The following JAK1 variants were observed in gnomAD, a reference collection of about 807,000 sequenced individuals.
JAK1 encodes Janus kinase 1.
Under a neutral mutation model 136.6 loss-of-function variants are expected in JAK1, and 16 were observed. That is an observed-to-expected ratio of 0.12 (90% confidence interval 0.08 to 0.18). The LOEUF (loss-of-function observed/expected upper bound fraction) is 0.18, where lower values mean the gene tolerates loss of function less well. Ranked by LOEUF, JAK1 falls within the 10% of genes least tolerant of loss-of-function variation. JAK1 has a pLI of 1.00. For missense variants in JAK1, 859 were observed against 1,450.1 expected (o/e 0.59, Z 6.62); for synonymous variants, 492 against 519.5 (o/e 0.95, Z 0.72).
At chr1:64,886,471 A>AAAAAC (rs1644853802) in intron 1 of JAK1, 130 bp from the exon 2 acceptor site, 1 of 538,782 alleles carries the variant, frequency 1.9e-6, no homozygotes, top group South Asian at 3.1e-5. Context: ...GAAGAAGGAA[A>AAAAAC]AAAACAAAAC....
At position 64,883,466 on chromosome 1, in the gene JAK1, T is replaced by C; in HGVS notation, c.16A>G (p.Ile6Val). 6.2e-7 allele frequency: 1 copy of C among 1,613,744 alleles called. No homozygotes were observed. The highest frequency in any genetic ancestry group is 8.5e-7 in the Non-Finnish European group (1 of 1,179,706). The stretch of plus-strand genomic sequence containing the variant: ...GCCATGGCATTGCAGTCCTCTTTTA[T>C]ATTTAGATACTGTTGTGGAAGGAAA... The part of the protein sequence containing the change: MQYLN[I>V]KEDCNAMAFC... The change falls in exon 3 of 25, where the codon ATA becomes GTA. Residue 6 changes from isoleucine (I) to valine (V), a missense_variant. This residue lies in a region of JAK1 where 353 missense variants were observed against 494.0 expected (regional missense o/e 0.71). Transcript: ENST00000342505.
chr1:64,875,689 T>C (rs1570685536), intron 4 of JAK1, among the ~76,000 whole-genome samples: 1 of 152,324 alleles, frequency 6.6e-6, no homozygotes, highest in East Asian at 1.9e-4. Flanking sequence ...CTTTGGTGTC[T>C]CTCTCACACA....
At chr1:64,883,550 G>A (rs1373249398) in intron 2 of JAK1, 75 bp from the exon 3 acceptor site, 10 of 1,320,700 alleles carry the variant, frequency 7.6e-6, no homozygotes, top group Non-Finnish European at 1.1e-5. Flanking sequence ...GGAGTGTTCT[G>A]AAGGTAAAAA....
intron 2 of JAK1, among the ~76,000 whole-genome samples, chr1:65,007,208 A>G (rs1325527577): frequency 2.0e-5 from 3 of 152,188 alleles, no homozygotes; most frequent in African/African-American, 4.8e-5. Flanking sequence ...ACAGAACCCA[A>G]GGCAGGCCTG....
intron 9 of JAK1, among the ~76,000 whole-genome samples, chr1:64,858,388 C>T (rs1457852027): frequency 6.6e-6 from 1 of 151,498 alleles, no homozygotes; most frequent in Non-Finnish European, 1.5e-5. Context: ...AGAGGGCCGC[C>T]ATGGTTCGTG....
At chr1:65,014,976 C>T (rs1420637663) in intron 2 of JAK1, among the ~76,000 whole-genome samples, 9 of 152,056 alleles carry the variant, frequency 5.9e-5, no homozygotes, top group Admixed American at 1.3e-4. Context: ...TGAGCCACCG[C>T]GCCCGGCCCA....
chr1:64,931,755 A>G (rs2100451204), intron 1 of JAK1, among the ~76,000 whole-genome samples: 1 of 152,148 alleles, frequency 6.6e-6, no homozygotes, highest in African/African-American at 2.4e-5. Context: ...ATCGGGAGGC[A>G]CTCTGGTAAG....
chr1:64,913,625 G>A (rs1363543871), intron 1 of JAK1, among the ~76,000 whole-genome samples: 1 of 112,290 alleles, frequency 8.9e-6, no homozygotes, highest in African/African-American at 3.6e-5. Flanking sequence ...ATTTGGGAGG[G>A]AGGGAGGGAG....
chr1:64,843,292 T>A (rs547737494), intron 17 of JAK1, among the ~76,000 whole-genome samples: 45 of 152,248 alleles, frequency 3.0e-4, no homozygotes, highest in African/African-American at 1.1e-3. Context: ...GCCTGCCCCC[T>A]CTAAACAACA....
rs1646580771 is a variant in JAK1, at chr1:64,984,647, T to C, written c.-78+59833A>G. 1 of 530,894 alleles carries C rather than the reference T, an allele frequency of 1.9e-6. No individual in the cohort carries two copies. The highest frequency in any genetic ancestry group is 3.6e-6 in the Non-Finnish European group (1 of 281,276). The allele number at this position is 530,894 out of a possible 1,614,324, so 32.9% of individuals were successfully genotyped here. A position where few individuals can be genotyped will look rare whatever the true frequency, so the allele number is the denominator to read the frequency against. ...GTCTCCTTAGCAGGCTGGATACTGT[T>C]CATCTCCATGACACAGTCCTTCCAG... On this transcript the variant is annotated intron_variant, in intron 2 of 25. Transcript: ENST00000671954. This position sits in a 1 kb window ranked among gnomAD's most constrained non-coding sequence, Gnocchi z 4.1.
At chr1:65,058,382 C>A in intron 1 of JAK1, 1 of 533,770 alleles carries the variant, frequency 1.9e-6, no homozygotes, top group Non-Finnish European at 3.8e-6. Flanking sequence ...TCCTCTTTCA[C>A]CTTCTTTCTT....
chr1:65,052,986 AC>A (rs1430454589), intron 1 of JAK1, among the ~76,000 whole-genome samples: 1 of 141,730 alleles, frequency 7.1e-6, no homozygotes, highest in Non-Finnish European at 1.5e-5. Flanking sequence ...AGCCAAGATC[AC>A]GCCATTGCAC....
chr1:65,061,442 T>A (rs1647788103), intron 1 of JAK1, among the ~76,000 whole-genome samples: 1 of 152,148 alleles, frequency 6.6e-6, no homozygotes, highest in Non-Finnish European at 1.5e-5. Flanking sequence ...ACATGCTACA[T>A]CCCTCATATT....
Position 64,984,780 on chromosome 1 carries a change from A to C in JAK1, c.-78+59700T>G. 1 of 1,017,604 alleles carries C rather than the reference A, an allele frequency of 9.8e-7. No individual in the cohort carries two copies. Among genetic ancestry groups the C allele is most frequent in the East Asian group, 2.6e-5 (1 of 39,098 alleles). 63.0% of individuals were successfully genotyped at this position (1,017,604 alleles called of 1,614,324 possible). A position where few individuals can be genotyped will look rare whatever the true frequency, so the allele number is the denominator to read the frequency against. Reference sequence around the variant, plus strand: ...GAAGGTAAAGATCAAGAAGGTAATGAGGAAGTCGGTGAAGATAATAAAAAC... The same window carrying C: ...GAAGGTAAAGATCAAGAAGGTAATGCGGAAGTCGGTGAAGATAATAAAAAC... On this transcript the variant is annotated intron_variant, in intron 2 of 25. Coordinates refer to the JAK1 transcript ENST00000671954. This position sits in a 1 kb window ranked among gnomAD's most constrained non-coding sequence, Gnocchi z 4.1.
intron 2 of JAK1, among the ~76,000 whole-genome samples, chr1:64,885,529 G>A (rs556877593): frequency 1.3e-3 from 193 of 152,224 alleles, no homozygotes; most frequent in Non-Finnish European, 2.0e-3. Context: ...CAAGGCGGGC[G>A]GATCACGAGG....
At chr1:65,007,745 G>GTTTTT (rs371536456) in intron 2 of JAK1, among the ~76,000 whole-genome samples, 8 of 141,916 alleles carry the variant, frequency 5.6e-5, no homozygotes, top group African/African-American at 2.1e-4. Flanking sequence ...TTATAGGTAT[G>GTTTTT]TTTTTTTTTT....
intron 2 of JAK1, among the ~76,000 whole-genome samples, chr1:65,005,005 A>G (rs1646792508): frequency 1.3e-5 from 2 of 152,244 alleles, no homozygotes; most frequent in Admixed American, 1.3e-4. Context: ...ATAATCCACA[A>G]TATTCCTGAA....
chr1:64,968,296 A>G (rs779860503), upstream of JAK1, among the ~76,000 whole-genome samples: 1 of 151,454 alleles, frequency 6.6e-6, no homozygotes, highest in Non-Finnish European at 1.5e-5. Flanking sequence ...GATTCAGAGA[A>G]AAAAAAAATA....
chr1:65,027,127 A>G (rs539823942), intron 2 of JAK1, among the ~76,000 whole-genome samples: 1 of 151,252 alleles, frequency 6.6e-6, no homozygotes, highest in Admixed American at 6.6e-5. Flanking sequence ...ACTCACTGCA[A>G]CCTCTGCCTC....
Sources: gnomAD v4.1 joint callset for allele counts (sites outside exome capture counted in the v4.1 genomes callset) on GRCh38, gnomAD v4.1.1 for gene constraint, gnomAD v4.1.1 regional missense constraint, Gnocchi (gnomAD v3.1) non-coding constraint, MANE v1.5 for transcripts, NCBI Gene and HGNC (gene_info 2026-07-23, HGNC 2026-07-21) for gene names.